The following UBN2 variants were observed in gnomAD, a reference collection of about 807,000 sequenced individuals.
UBN2 encodes ubinuclein 2, also known as ubinuclein-2.
Under a neutral mutation model 120.2 loss-of-function variants are expected in UBN2, and 35 were observed. The ratio of observed to expected loss-of-function variants is 0.29; its 90% confidence interval spans 0.22 to 0.39. The LOEUF is 0.39. UBN2 is among the 10% of genes least tolerant of loss of function. The probability of loss-of-function intolerance (pLI) is 1.00; values close to 1 mark genes in which losing one functional copy is unlikely to be tolerated. For missense variants in UBN2, 1,693 were observed against 1,663.2 expected, an observed-to-expected ratio of 1.02 and a Z score of -0.31; for synonymous variants, 661 against 648.7, an observed-to-expected ratio of 1.02 and a Z score of -0.29.
chr7:139,273,377 C>G lies in UBN2; in HGVS notation c.1796C>G (p.Pro599Arg). Residue 599 changes from proline to arginine, a missense_variant, in exon 10 of 18, where the codon CCA (proline) becomes CGA (arginine). Transcript: ENST00000473989. ...AAACCAGGAAAACGTGTCATAGGAC[C>G]AAGAAAGAAATTCCACTGGGATGAC... is the stretch of plus-strand genomic sequence containing the variant. ...DEKPGKRVIGPRKKFHWDDTI... is the reference protein window; with the variant it reads ...DEKPGKRVIGRRKKFHWDDTI... 1.2e-6 allele frequency: 2 copies of G among 1,604,126 alleles called. No homozygotes were observed. Among genetic ancestry groups the G allele is most frequent in the Non-Finnish European group, 1.7e-6 (2 of 1,174,494 alleles).
At chr7:139,314,888 T>C in the UBN2 span, among the ~76,000 whole-genome samples, 23 of 152,196 alleles carry the variant, frequency 1.5e-4, no homozygotes, top group African/African-American at 4.6e-4. Flanking sequence ...CATTCTTCCT[T>C]CTCAATAACT....
chr7:139,249,785 A>T (rs1408454920), intron 2 of UBN2, among the ~76,000 whole-genome samples: 1 of 151,916 alleles, frequency 6.6e-6, no homozygotes, highest in East Asian at 1.9e-4. Context: ...GGCTCACTGT[A>T]GCCTCAACCT....
At chr7:139,290,239 T>C (rs192460985) in intron 15 of UBN2, among the ~76,000 whole-genome samples, 2 of 152,276 alleles carry the variant, frequency 1.3e-5, no homozygotes, top group South Asian at 2.1e-4. Flanking sequence ...TTGCCAACTC[T>C]GGTTAATTTT....
rs1250974931 is a variant in UBN2, at chr7:139,307,127, C to T, written c.*9291C>T. The T allele has an allele frequency of 2.0e-5, 3 of 152,168 alleles. No individual in the cohort carries two copies. The highest frequency in any genetic ancestry group is 4.4e-5 in the Non-Finnish European group (3 of 68,030). 9.4% of individuals were successfully genotyped at this position (152,168 alleles called of 1,614,324 possible). ...AGTTACATCTTCCTCATACATTAGC[C>T]ACCTCCACACTTGACATAGATGCCA... On this transcript the variant is annotated 3_prime_UTR_variant, in exon 18 of 18. Coordinates refer to ENST00000473989, the MANE Select transcript of UBN2 (RefSeq NM_173569.4).
Position 139,261,290 on chromosome 7 carries a change from A to T in UBN2, c.944A>T (p.Lys315Met), listed in dbSNP as rs370486635. 2.2e-5 allele frequency: 35 copies of T among 1,610,296 alleles called. No individual in the cohort carries two copies. The African/African-American group carries it at 4.3e-4, about 20-fold the overall frequency. Residue 315 changes from lysine to methionine, a missense_variant, in exon 6 of 18, where the codon AAG becomes ATG. Coordinates refer to ENST00000473989, the MANE Select transcript of UBN2 (RefSeq NM_173569.4). ...AATTCACACAAGTCTGAAAAAAAGA[A>T]GAAACGTTATAAAGATTCTCTTTCT... ...ALNSHKSEKK[K>M]KRYKDSLSLA...
In UBN2 at chr7:139,298,860, G is replaced by C. The variant is rs1798184262; in HGVS notation, c.*1024G>C. The C allele has an allele frequency of 6.6e-6, 1 of 152,060 alleles. No homozygotes were observed. The highest frequency in any genetic ancestry group is 6.6e-5 in the Admixed American group (1 of 15,250). The allele number at this position is 152,060 out of a possible 1,614,324, so 9.4% of individuals were successfully genotyped here. On this transcript the variant is annotated 3_prime_UTR_variant, in exon 18 of 18. Transcript: ENST00000473989. ...GATTATTAGCTATTGGTATAAACAGGTAGAAGTGTACACTATGTTTCTTCA... is the reference window on the plus strand; with the variant it reads ...GATTATTAGCTATTGGTATAAACAGCTAGAAGTGTACACTATGTTTCTTCA...
the UBN2 span, among the ~76,000 whole-genome samples, chr7:139,320,792 G>A: frequency 6.7e-6 from 1 of 149,932 alleles, no homozygotes; most frequent in Non-Finnish European, 1.5e-5. Flanking sequence ...GGAGGCGGAG[G>A]TTGCAGTGAG....
rs1390688655 is a variant in UBN2 at position 139,231,560 on chromosome 7, G to C, written c.76G>C (p.Glu26Gln). 2.8e-6 allele frequency: 4 copies of C among 1,416,482 alleles called. No homozygotes were observed. Among genetic ancestry groups the C allele is most frequent in the Non-Finnish European group, 3.7e-6 (4 of 1,075,924 alleles). The allele number at this position is 1,416,482 out of a possible 1,614,324, so 87.7% of individuals were successfully genotyped here. The change falls in exon 1 of 18, where the codon GAG (glutamate) becomes CAG (glutamine). Residue 26 changes from glutamate (E) to glutamine (Q), a missense_variant. By Grantham distance (29) the Glu-to-Gln change is conservative. Around this residue, in one of 5 missense-constraint regions of UBN2, gnomAD observed 663 missense variants for 591.2 expected, o/e 1.12. Coordinates refer to ENST00000473989, the MANE Select transcript of UBN2 (RefSeq NM_173569.4). ...RRREAEYPGP[E>Q]REPEYPREPP... ...GCGCGAGGCCGAGTACCCGGGGCCC[G>C]AGCGTGAGCCCGAGTACCCCCGCGA...
rs1297328413 is a variant in UBN2, at chr7:139,283,306, C to A, written c.2401C>A (p.Leu801Met). 1 of 1,613,810 alleles carries A rather than the reference C, an allele frequency of 6.2e-7. No individual in the cohort carries two copies. Among genetic ancestry groups the A allele is most frequent in the African/African-American group, 1.3e-5 (1 of 74,814 alleles). Reference sequence around the variant, plus strand: ...GCCAACCACAAAGCCTCGTCCAGGACTGAGAGAAGAAAAATTAGCAAGTAT... The same window carrying A: ...GCCAACCACAAAGCCTCGTCCAGGAATGAGAGAAGAAAAATTAGCAAGTAT... ...SMPTTKPRPG[L>M]REEKLASIMS... The change falls in exon 15 of 18, where the codon CTG becomes ATG. Residue 801 changes from leucine to methionine, a missense_variant. By Grantham distance (15) the Leu-to-Met change is conservative. This residue lies in a region of UBN2 where 837 missense variants were observed against 817.6 expected (regional missense o/e 1.02). Transcript: ENST00000473989.
chr7:139,328,133 T>C, the UBN2 span, among the ~76,000 whole-genome samples: 6 of 152,220 alleles, frequency 3.9e-5, no homozygotes, highest in African/African-American at 1.4e-4. Context: ...TTCACACTGC[T>C]ATAAAGAACT....
intron 2 of UBN2, among the ~76,000 whole-genome samples, chr7:139,247,111 G>C (rs535178613): frequency 6.6e-6 from 1 of 151,604 alleles, no homozygotes; most frequent in South Asian, 2.1e-4. Context: ...GTAACTGTAT[G>C]CTTAATAAGA....
rs1563218031 is a variant in UBN2 at position 139,273,958 on chromosome 7, C to G, written c.1857C>G (p.Ile619Met). The G allele has an allele frequency of 6.2e-7, 1 of 1,610,640 alleles. No homozygotes were observed. Among genetic ancestry groups the G allele is most frequent in the Non-Finnish European group, 8.5e-7 (1 of 1,179,058 alleles). Residue 619 changes from isoleucine (I) to methionine (M), a missense_variant, in exon 11 of 18, where the codon ATC (isoleucine) becomes ATG (methionine). Transcript: ENST00000473989. ...CTTTGTTATGTAACCTTGTTGAGAT[C>G]AAATTGGGATGCTATGAGTTAGAAC... ...IRTLLCNLVE[I>M]KLGCYELEPN...
intron 6 of UBN2, 108 bp downstream of exon 6, chr7:139,261,849 T>C: frequency 1.7e-6 from 2 of 1,186,600 alleles, no homozygotes; most frequent in South Asian, 1.7e-5. Context: ...ATTGCTTTTG[T>C]TTTTTAAAGA....
intron 3 of UBN2, 145 bp downstream of exon 3, chr7:139,252,202 CCT>C: frequency 8.7e-6 from 5 of 573,756 alleles, no homozygotes; most frequent in South Asian, 3.6e-5. Context: ...ATTTCTTTAC[CCT>C]TTTTTTTTTT....
At chr7:139,285,781 C>T (rs944966268) in intron 15 of UBN2, among the ~76,000 whole-genome samples, 9 of 152,030 alleles carry the variant, frequency 5.9e-5, no homozygotes, top group Middle Eastern at 3.4e-3. Context: ...CTCGCTCTGT[C>T]GTCCACGCTG....
At chr7:139,268,596 A>G (rs908504024) in intron 7 of UBN2, among the ~76,000 whole-genome samples, 3 of 152,184 alleles carry the variant, frequency 2.0e-5, no homozygotes, top group African/African-American at 4.8e-5. Context: ...CCTACTACCT[A>G]GAGCAGACGT....
intron 15 of UBN2, among the ~76,000 whole-genome samples, chr7:139,287,560 C>T (rs1369139456): frequency 1.3e-5 from 2 of 152,062 alleles, no homozygotes; most frequent in African/African-American, 2.4e-5. Flanking sequence ...ATGAAGGCTA[C>T]TTGGCAAAGT....
chr7:139,328,022 C>T, the UBN2 span, among the ~76,000 whole-genome samples: 1 of 152,178 alleles, frequency 6.6e-6, no homozygotes, highest in Non-Finnish European at 1.5e-5. Context: ...TTAATTCATT[C>T]TCCTTAAGTT....
chr7:139,321,197 G>T, the UBN2 span, among the ~76,000 whole-genome samples: 1 of 152,198 alleles, frequency 6.6e-6, no homozygotes, highest in African/African-American at 2.4e-5. Flanking sequence ...TGCTGAGATT[G>T]TAAAACTGTT....
Sources: allele counts gnomAD v4.1 joint callset (sites outside exome capture counted in the v4.1 genomes callset), GRCh38; gene constraint gnomAD v4.1.1; regional missense constraint gnomAD v4.1.1; transcripts MANE v1.5; gene names NCBI Gene and HGNC (gene_info 2026-07-23, HGNC 2026-07-21).